Variants in RAB15 observed in about 807,000 individuals in gnomAD.
RAB15 encodes RAB15, member RAS oncogene family.
In RAB15, 13 loss-of-function variants were observed where a neutral mutation model predicts 31.8. That is an observed-to-expected ratio of 0.41 (90% CI 0.27 to 0.65). The LOEUF (loss-of-function observed/expected upper bound fraction) is 0.65. Ranked by LOEUF, RAB15 falls within the 30% of genes least tolerant of loss-of-function variation. RAB15 has a pLI of 0.32. For missense variants in RAB15, 220 were observed against 277.3 expected, an observed-to-expected ratio of 0.79 and a Z score of 1.47; for synonymous variants, 100 against 105.6, an observed-to-expected ratio of 0.95 and a Z score of 0.33.
rs924587338 is a variant in RAB15 at position 64,972,101 on chromosome 14, C to G, written c.-25G>C. ...TGACTGGGGCCAGCGGGGCCGGGAA[C>G]TGCGGGCGGGCAGCGGGCTCAGCCC... On this transcript the variant is annotated 5_prime_UTR_variant, in exon 1 of 7. Transcript: ENST00000533601. The surrounding 1 kb of genome is among the most constrained non-coding windows in gnomAD (Gnocchi z 6.3). 22 of 1,575,524 alleles carry G rather than the reference C, an allele frequency of 1.4e-5. No homozygotes were observed. The highest frequency in any genetic ancestry group is 1.8e-5 in the Non-Finnish European group (21 of 1,164,634).
Position 64,972,012 on chromosome 14 carries a change from G to C in RAB15, c.65C>G (p.Thr22Ser). Reference sequence around the variant, plus strand: ...GTCGGTGAAGCGGCACAGCAGGCAGGTCTTGCCCACCCCGGAGTCCCCGAT... The same window carrying C: ...GTCGGTGAAGCGGCACAGCAGGCAGCTCTTGCCCACCCCGGAGTCCCCGAT... The part of the protein sequence containing the change: ...LLIGDSGVGK[T>S]CLLCRFTDNE... Residue 22 changes from threonine to serine, a missense_variant, in exon 1 of 7, where the codon ACC (threonine) becomes AGC (serine). By Grantham distance (58) the Thr-to-Ser change is moderately conservative. Transcript: ENST00000533601. The surrounding 1 kb of genome is among the most constrained non-coding windows in gnomAD (Gnocchi z 6.3). 1 of 1,609,112 alleles carries C rather than the reference G, an allele frequency of 6.2e-7. No individual in the cohort carries two copies. The highest frequency in any genetic ancestry group is 8.5e-7 in the Non-Finnish European group (1 of 1,177,884).
chr14:64,966,175 T>C (rs1273970307), intron 1 of RAB15, among the ~76,000 whole-genome samples: 1 of 152,204 alleles, frequency 6.6e-6, no homozygotes, highest in African/African-American at 2.4e-5. Context: ...CCTTGGAATG[T>C]AAGCCAGCTC....
intron 1 of RAB15, among the ~76,000 whole-genome samples, chr14:64,969,496 C>T (rs1291578129): frequency 2.0e-5 from 3 of 152,162 alleles, no homozygotes; most frequent in African/African-American, 7.2e-5. Context: ...CCCAGTGGGG[C>T]AGATTTTAAA....
rs1566850620 is a variant in RAB15, at chr14:64,968,853, GC to G, written c.124+3099del. 3.3e-5 allele frequency among the ~76,000 whole-genome samples: 5 copies of G among 152,232 alleles called. No individual in the cohort carries two copies. Among genetic ancestry groups the G allele is most frequent in the African/African-American group, 1.2e-4 (5 of 41,464 alleles). On this transcript the variant is annotated intron_variant, in intron 1 of 6. Transcript: ENST00000533601. The surrounding 1 kb of genome is among the most constrained non-coding windows in gnomAD (Gnocchi z 4.9). ...TGCCTGTGGCAGAGCCAGTGGCAGG[GC>G]CACCTGCTGGTCTGCTGGCCAGAAA...
rs768988176 is a variant in RAB15 at position 64,952,054 on chromosome 14, C to G, written c.186-391G>C. On this transcript the variant is annotated intron_variant, in intron 2 of 6. Transcript: ENST00000533601. The surrounding 1 kb of genome is among the most constrained non-coding windows in gnomAD (Gnocchi z 4.2). ...ACTGCTGTGGAATTGAGAGGGAGCT[C>G]TAAACCCTGGCAAAGGCAGTGCTTC... Among the ~76,000 whole-genome samples, 5 of 152,206 alleles carry G rather than the reference C, an allele frequency of 3.3e-5. No individual in the cohort carries two copies. The highest frequency in any genetic ancestry group is 7.4e-5 in the Non-Finnish European group (5 of 68,026).
In RAB15 at chr14:64,950,748, C is replaced by T. The variant is rs1886202307; in HGVS notation, c.324+326G>A. On this transcript the variant is annotated intron_variant, in intron 4 of 6. Transcript: ENST00000533601. This position sits in a 1 kb window ranked among gnomAD's most constrained non-coding sequence, Gnocchi z 5.6. ...GGATTCAAATGGCTTCCCAAGGCTC[C>T]ACAGCTATTGTGCAGAGCCAGGACT... 3.3e-6 allele frequency: 2 copies of T among 600,038 alleles called. No individual in the cohort carries two copies. Among genetic ancestry groups the T allele is most frequent in the African/African-American group, 1.9e-5 (1 of 53,812 alleles). 37.2% of individuals were successfully genotyped at this position (600,038 alleles called of 1,614,324 possible).
chr14:64,957,883 G>A (rs751073863), intron 1 of RAB15: 2 of 147,754 alleles, frequency 1.4e-5, no homozygotes, highest in Non-Finnish European at 3.1e-5. Context: ...CATACCCGAT[G>A]CCTTTTCCCA....
At position 64,950,714 on chromosome 14, in the gene RAB15, G is replaced by A; in HGVS notation, c.325-300C>T. ...CCAGCCCTCATTCTACAGGAACTGGGGACCCAGAGGATTCAAATGGCTTCC... is the reference window on the plus strand; with the variant it reads ...CCAGCCCTCATTCTACAGGAACTGGAGACCCAGAGGATTCAAATGGCTTCC... On this transcript the variant is annotated intron_variant, in intron 4 of 6. Transcript: ENST00000533601. The surrounding 1 kb of genome is among the most constrained non-coding windows in gnomAD (Gnocchi z 5.6). 1 of 594,738 alleles carries A rather than the reference G, an allele frequency of 1.7e-6. No individual in the cohort carries two copies. Among genetic ancestry groups the A allele is most frequent in the Non-Finnish European group, 3.0e-6 (1 of 334,332 alleles). The allele number at this position is 594,738 out of a possible 1,614,324, so 36.8% of individuals were successfully genotyped here.
rs184696870 is a variant in RAB15, at chr14:64,952,085, C to G, written c.186-422G>C. Among the ~76,000 whole-genome samples, 1 of 152,178 alleles carries G rather than the reference C, an allele frequency of 6.6e-6. No individual in the cohort carries two copies. The highest frequency in any genetic ancestry group is 1.9e-4 in the East Asian group (1 of 5,198). ...CCTGGCAAAGGCAGTGCTTCCAAGA[C>G]CTCAGGCAGAGAGCCACAGCAGCAC... is the stretch of plus-strand genomic sequence containing the variant. On this transcript the variant is annotated intron_variant, in intron 2 of 6. Transcript: ENST00000533601. This position sits in a 1 kb window ranked among gnomAD's most constrained non-coding sequence, Gnocchi z 4.2.
In RAB15 at chr14:64,950,795, A is replaced by T; in HGVS notation, c.324+279T>A. 1.6e-6 allele frequency: 1 copy of T among 640,914 alleles called. No homozygotes were observed. The highest frequency in any genetic ancestry group is 2.7e-6 in the Non-Finnish European group (1 of 365,524). The allele number at this position is 640,914 out of a possible 1,614,324, so 39.7% of individuals were successfully genotyped here. A position where few individuals can be genotyped will look rare whatever the true frequency, so the allele number is the denominator to read the frequency against. ...GACTAGATCCCAATCTTGCAACTCCACCTGGTCCCAAGATTTCAGGAAAGA... is the reference window on the plus strand; with the variant it reads ...GACTAGATCCCAATCTTGCAACTCCTCCTGGTCCCAAGATTTCAGGAAAGA... On this transcript the variant is annotated intron_variant, in intron 4 of 6. Transcript: ENST00000533601. This position sits in a 1 kb window ranked among gnomAD's most constrained non-coding sequence, Gnocchi z 5.6.
rs1416181776 is a variant in RAB15 at position 64,948,456 on chromosome 14, G to T, written c.537C>A (p.Gly179=). 1 of 1,613,662 alleles carries T rather than the reference G, an allele frequency of 6.2e-7. No homozygotes were observed. The highest frequency in any genetic ancestry group is 1.3e-5 in the African/African-American group (1 of 75,028). Residue 179 remains glycine (G), a synonymous_variant, in exon 7 of 7, where the codon GGC becomes GGA. Coordinates refer to ENST00000533601, the MANE Select transcript of RAB15 (RefSeq NM_001308154.2). This position sits in a 1 kb window ranked among gnomAD's most constrained non-coding sequence, Gnocchi z 7.0. ...VLQAHRKELE[G]LRMRASNELA... ...ACTCATTGCTGGCACGCATCCGGAG[G>T]CCTTCCAGCTCCTTCCTATGGGCCT...
rs1052143539 is a variant in RAB15 at position 64,958,039 on chromosome 14, G to C, written c.125-5468C>G. ...GGTCACTGCAACCTCTGCCTCCTGG[G>C]TTCAAGCGATTCTCCTGCCTCAGCC... On this transcript the variant is annotated intron_variant, in intron 1 of 6. Coordinates refer to ENST00000533601, the MANE Select transcript of RAB15 (RefSeq NM_001308154.2). The surrounding 1 kb of genome is among the most constrained non-coding windows in gnomAD (Gnocchi z 4.4). 6.6e-6 allele frequency: 1 copy of C among 152,350 alleles called. No homozygotes were observed. Among genetic ancestry groups the C allele is most frequent in the African/African-American group, 2.4e-5 (1 of 41,456 alleles). 9.4% of individuals were successfully genotyped at this position (152,350 alleles called of 1,614,324 possible). A position where few individuals can be genotyped will look rare whatever the true frequency, so the allele number is the denominator to read the frequency against.
Position 64,971,803 on chromosome 14 carries a change from C to T in RAB15, c.124+150G>A, listed in dbSNP as rs1181161984. 1.1e-5 allele frequency: 8 copies of T among 744,360 alleles called. No homozygotes were observed. Among genetic ancestry groups the T allele is most frequent in the East Asian group, 5.6e-5 (2 of 35,712 alleles). The allele number at this position is 744,360 out of a possible 1,614,324, so 46.1% of individuals were successfully genotyped here. ...ACACCCTCACCTGCCAAAACCTATG[C>T]TCACCCCGAGATTTATCCCGGACTC... is the stretch of plus-strand genomic sequence containing the variant. On this transcript the variant is annotated intron_variant, in intron 1 of 6. Transcript: ENST00000533601. The surrounding 1 kb of genome is among the most constrained non-coding windows in gnomAD (Gnocchi z 4.1).
rs1250324886 is a variant in RAB15 at position 64,968,627 on chromosome 14, G to GT, written c.124+3325dup. Among the ~76,000 whole-genome samples the GT allele has an allele frequency of 6.6e-5, 10 of 152,202 alleles. No homozygotes were observed. The East Asian group carries it at 2.0e-3, about 30-fold the overall frequency. On this transcript the variant is annotated intron_variant, in intron 1 of 6. Transcript: ENST00000533601. This position sits in a 1 kb window ranked among gnomAD's most constrained non-coding sequence, Gnocchi z 4.9. Reference sequence around the variant, plus strand: ...TATCTCATTTTGGCACTAGCTCTTTGTTTTTTGTTTTTCCCTTTGTCTTGC... The same window carrying GT: ...TATCTCATTTTGGCACTAGCTCTTTGTTTTTTTGTTTTTCCCTTTGTCTTGC...
rs180778513 is a variant in RAB15, at chr14:64,967,404, T to C, written c.124+4549A>G. On this transcript the variant is annotated intron_variant, in intron 1 of 6. Transcript: ENST00000533601. ...GAGTTCGAGACCAGCCTGGTCAACA[T>C]AGTGAAACCCCATCTCTACAAAACG... Among the ~76,000 whole-genome samples, 168 of 152,124 alleles carry C rather than the reference T, an allele frequency of 1.1e-3. 1 individual carries two copies. Among genetic ancestry groups the C allele is most frequent in the Non-Finnish European group, 2.1e-3 (146 of 67,980 alleles).
In RAB15 at chr14:64,966,505, A is replaced by G. The variant is rs529846607; in HGVS notation, c.124+5448T>C. Among the ~76,000 whole-genome samples, 17 of 152,008 alleles carry G rather than the reference A, an allele frequency of 1.1e-4. No homozygotes were observed. In the East Asian group the frequency reaches 3.1e-3, roughly 28 times the overall value. The stretch of plus-strand genomic sequence containing the variant: ...GCCACTGCACTCCAGCCTGGGCGAC[A>G]GAGAGATACTCGGTCTCAAAAAAAA... On this transcript the variant is annotated intron_variant, in intron 1 of 6. Transcript: ENST00000533601.
chr14:64,971,825 ACTCCGGC>A lies in RAB15; in HGVS notation c.124+121_124+127del. On this transcript the variant is annotated intron_variant, in intron 1 of 6. Transcript: ENST00000533601. The surrounding 1 kb of genome is among the most constrained non-coding windows in gnomAD (Gnocchi z 4.1). ...ATGCTCACCCCGAGATTTATCCCGG[ACTCCGGC>A]CTCCGGCGCCACCGCCTCCAGCCGG... 1.2e-6 allele frequency: 1 copy of A among 864,752 alleles called. No individual in the cohort carries two copies. The highest frequency in any genetic ancestry group is 1.8e-6 in the Non-Finnish European group (1 of 568,386). The allele number at this position is 864,752 out of a possible 1,614,324, so 53.6% of individuals were successfully genotyped here.
rs192700550 is a variant in RAB15 at position 64,951,713 on chromosome 14, C to T, written c.186-50G>A. The T allele has an allele frequency of 5.5e-5, 83 of 1,518,862 alleles. No homozygotes were observed. In the Admixed American group the frequency reaches 7.5e-4, roughly 14 times the overall value. 94.1% of individuals were successfully genotyped at this position (1,518,862 alleles called of 1,614,324 possible). ...GAGGAGCAGGGACCATGGGAACAGA[C>T]GGGGAGGGGAAGAGCAGAGCTGTCC... On this transcript the variant is annotated intron_variant, in intron 2 of 6. Coordinates refer to ENST00000533601, the MANE Select transcript of RAB15 (RefSeq NM_001308154.2). This position sits in a 1 kb window ranked among gnomAD's most constrained non-coding sequence, Gnocchi z 7.2.
chr14:64,948,201 GCT>G lies in RAB15; in HGVS notation c.*151_*152del. 1 of 786,020 alleles carries G rather than the reference GCT, an allele frequency of 1.3e-6. No individual in the cohort carries two copies. The highest frequency in any genetic ancestry group is 2.3e-5 in the South Asian group (1 of 44,084). 48.7% of individuals were successfully genotyped at this position (786,020 alleles called of 1,614,324 possible). A position where few individuals can be genotyped will look rare whatever the true frequency, so the allele number is the denominator to read the frequency against. ...GGCTGCTTGAGATGACAGCAGAGCC[GCT>G]CTCAGGGCCAGGCAGGGGGAGTAGT... On this transcript the variant is annotated 3_prime_UTR_variant, in exon 7 of 7. Coordinates refer to ENST00000533601, the MANE Select transcript of RAB15 (RefSeq NM_001308154.2). This position sits in a 1 kb window ranked among gnomAD's most constrained non-coding sequence, Gnocchi z 7.0.
Sources: gnomAD v4.1 joint callset for allele counts (sites outside exome capture counted in the v4.1 genomes callset) on GRCh38, gnomAD v4.1.1 for gene constraint, Gnocchi (gnomAD v3.1) non-coding constraint, MANE v1.5 for transcripts, NCBI Gene and HGNC (gene_info 2026-07-23, HGNC 2026-07-21) for gene names.